The following SCN9A variants were observed in gnomAD, a reference collection of about 807,000 sequenced individuals.
SCN9A encodes sodium voltage-gated channel alpha subunit 9.
A neutral mutation model predicts 187.0 loss-of-function variants in SCN9A; 131 were observed. The ratio of observed to expected loss-of-function variants is 0.70; its 90% CI spans 0.61 to 0.81. The LOEUF is 0.81. Ranked by LOEUF, SCN9A falls within the 30% of genes least tolerant of loss-of-function variation. The pLI is 0.00. For missense variants in SCN9A, 2,252 were observed against 2,396.6 expected, an observed-to-expected ratio of 0.94 and a Z score of 1.26; for synonymous variants, 809 against 808.6, an observed-to-expected ratio of 1.00 and a Z score of -0.01.
At chr2:166,259,146 G>A (rs1696401280) in intron 17 of SCN9A, 2 of 151,694 alleles carry the variant, frequency 1.3e-5, no homozygotes, top group African/African-American at 4.8e-5. Context: ...GAAAGGTTTT[G>A]TAGCTGAACA....
intron 26 of SCN9A, among the ~76,000 whole-genome samples, chr2:166,202,632 A>G (rs2106343936): frequency 6.6e-6 from 1 of 151,954 alleles, no homozygotes; most frequent in African/African-American, 2.4e-5. Context: ...ATCTAAGTAC[A>G]TGACAATCCT....
At chr2:166,330,276 G>T (rs1011672860) in intron 1 of SCN9A, among the ~76,000 whole-genome samples, 3 of 151,738 alleles carry the variant, frequency 2.0e-5, no homozygotes, top group Non-Finnish European at 4.4e-5. Flanking sequence ...TTTCTCCATT[G>T]CCCCCATATC....
chr2:166,288,429 A>T lies in SCN9A; in HGVS notation c.1314+8T>A. The T allele has an allele frequency of 6.3e-7, 1 of 1,599,720 alleles. No individual in the cohort carries two copies. The highest frequency in any genetic ancestry group is 1.1e-5 in the South Asian group (1 of 89,368). ...CTCTAGGAAGAATTTTAAATCAAAT[A>T]ACAGTACCTCAGCTTCTTCTTGCTC... On this transcript the variant is annotated splice_region_variant and intron_variant, in intron 10 of 26. Coordinates refer to ENST00000642356, the MANE Select transcript of SCN9A (RefSeq NM_001365536.1).
At chr2:166,240,241 A>G (rs1325648111) in intron 19 of SCN9A, among the ~76,000 whole-genome samples, 4 of 152,220 alleles carry the variant, frequency 2.6e-5, no homozygotes, top group Non-Finnish European at 4.4e-5. Context: ...CACAATAAGT[A>G]TAAGCTAAAT....
At chr2:166,207,426 T>TC (rs1693861048) in intron 24 of SCN9A, among the ~76,000 whole-genome samples, 1 of 112,528 alleles carries the variant, frequency 8.9e-6, no homozygotes, top group African/African-American at 3.4e-5. Flanking sequence ...CCTTAGAGTG[T>TC]TTTTGTTGTT....
At chr2:166,258,751 C>T (rs1245255850) in intron 17 of SCN9A, among the ~76,000 whole-genome samples, 1 of 151,576 alleles carries the variant, frequency 6.6e-6, no homozygotes, top group Admixed American at 6.6e-5. Context: ...TTTTCCTGCT[C>T]TGAGATTTTA....
intron 10 of SCN9A, among the ~76,000 whole-genome samples, chr2:166,288,093 T>TTATATA (rs72083111): frequency 2.4e-4 from 32 of 134,870 alleles, no homozygotes; most frequent in South Asian, 7.2e-4. Flanking sequence ...TTCCATGTGT[T>TTATATA]TATATATATA....
At chr2:166,355,698 T>A (rs1272625877) in intron 1 of SCN9A, among the ~76,000 whole-genome samples, 4 of 152,148 alleles carry the variant, frequency 2.6e-5, no homozygotes, top group Non-Finnish European at 4.4e-5. Flanking sequence ...ATTAAAAATA[T>A]TTACCTTTTT....
At chr2:166,205,327 G>A (rs1398276634) in intron 24 of SCN9A, 1 of 152,116 alleles carries the variant, frequency 6.6e-6, no homozygotes, top group African/African-American at 2.4e-5. Context: ...TACACCAACA[G>A]AACAGAACAG....
intron 24 of SCN9A, among the ~76,000 whole-genome samples, chr2:166,215,404 C>A (rs933521501): frequency 6.6e-5 from 10 of 151,902 alleles, no homozygotes; most frequent in Non-Finnish European, 8.8e-5. Flanking sequence ...AAAAGAAGAA[C>A]AGAATATCCC....
chr2:166,228,116 G>C (rs918733518), intron 22 of SCN9A, among the ~76,000 whole-genome samples: 1 of 151,890 alleles, frequency 6.6e-6, no homozygotes, highest in Non-Finnish European at 1.5e-5. Flanking sequence ...GTTCATTTTT[G>C]AAGCAATATT....
At chr2:166,252,918 CAT>C (rs1696109487) in intron 17 of SCN9A, among the ~76,000 whole-genome samples, 1 of 151,908 alleles carries the variant, frequency 6.6e-6, no homozygotes, top group African/African-American at 2.4e-5. Flanking sequence ...TGCTAAATGA[CAT>C]GTGAATATTG....
chr2:166,306,017 C>T (rs1332002085), intron 4 of SCN9A, 97 bp from the exon 5 acceptor site: 31 of 1,431,792 alleles, frequency 2.2e-5, no homozygotes, highest in African/African-American at 4.3e-5. Context: ...CACTGGAAGA[C>T]ATATATTGGA....
chr2:166,225,065 G>A (rs868613255), intron 24 of SCN9A, among the ~76,000 whole-genome samples: 3 of 152,138 alleles, frequency 2.0e-5, no homozygotes, highest in Non-Finnish European at 4.4e-5. Flanking sequence ...ATTAAAAAAG[G>A]TCTAATACGG....
chr2:166,304,457 G>T, intron 5 of SCN9A, 128 bp from the exon 6 acceptor site: 2 of 734,490 alleles, frequency 2.7e-6, no homozygotes, highest in Non-Finnish European at 4.4e-6. Flanking sequence ...AGTCTTTTTT[G>T]CTATCATAAC....
chr2:166,280,940 C>T (rs1171606742), intron 13 of SCN9A, among the ~76,000 whole-genome samples: 2 of 152,090 alleles, frequency 1.3e-5, no homozygotes, highest in Admixed American at 1.3e-4. Context: ...GCATATTTTT[C>T]ACCTGTGTTT....
At chr2:166,234,858 T>A (rs1695244826) in intron 20 of SCN9A, among the ~76,000 whole-genome samples, 1 of 152,030 alleles carries the variant, frequency 6.6e-6, no homozygotes, top group South Asian at 2.1e-4. Context: ...CTTTAAAAGG[T>A]GATGAGGTCA....
intron 17 of SCN9A, among the ~76,000 whole-genome samples, chr2:166,259,981 G>A (rs77594448): frequency 0.065 from 9,832 of 151,662 alleles, 374 homozygotes; most frequent in Non-Finnish European, 0.089. Flanking sequence ...CCAATTTTAC[G>A]AAACAGCATA....
chr2:166,228,485 C>T (rs915018482), intron 22 of SCN9A, among the ~76,000 whole-genome samples: 4 of 152,000 alleles, frequency 2.6e-5, no homozygotes, highest in African/African-American at 7.2e-5. Context: ...TCTCGAACTC[C>T]TGACCTCATG....
Sources: allele counts gnomAD v4.1 joint callset (sites outside exome capture counted in the v4.1 genomes callset), GRCh38; gene constraint gnomAD v4.1.1; transcripts MANE v1.5; gene names NCBI Gene and HGNC (gene_info 2026-07-23, HGNC 2026-07-21).